The following TMC2 variants were observed in gnomAD, a reference collection of about 807,000 sequenced individuals.
The protein encoded by TMC2 is transmembrane channel like 2.
TMC2 carries 102 observed loss-of-function variants against 105.9 expected under a neutral mutation model. That is an observed-to-expected ratio of 0.96 (90% CI 0.82 to 1.14). The LOEUF (loss-of-function observed/expected upper bound fraction) is 1.14. Ranked by LOEUF, TMC2 falls within the 50% of genes most tolerant of loss-of-function variation. The pLI is 0.00. For synonymous variants in TMC2, 402 were observed against 422.8 expected (o/e 0.95, Z 0.60); for missense variants, 1,093 against 1,134.3 (o/e 0.96, Z 0.52).
chr20:2,597,105 C>A (rs772041901), intron 9 of TMC2, 46 bp from the exon 10 acceptor site: 3 of 1,586,170 alleles, frequency 1.9e-6, no homozygotes, highest in Non-Finnish European at 1.7e-6. Context: ...GGGGGTGACA[C>A]AGCAGAAAGA....
rs572317758 is a variant in TMC2 at position 2,611,081 on chromosome 20, C to T, written c.1593+483C>T. Among the ~76,000 whole-genome samples the T allele has an allele frequency of 1.3e-3, 201 of 152,266 alleles. 2 individuals carry two copies. The highest frequency in any genetic ancestry group is 4.5e-3 in the African/African-American group (188 of 41,544). ...CTGGGAGACAGACTTCATTACAGCA[C>T]GCTGTGGGATGTGCTTCAGTAGTGG... On this transcript the variant is annotated intron_variant, in intron 12 of 19. Transcript: ENST00000358864.
intron 2 of TMC2, among the ~76,000 whole-genome samples, chr20:2,555,655 G>A (rs2085981048): frequency 6.6e-6 from 1 of 152,084 alleles, no homozygotes; most frequent in Admixed American, 6.6e-5. Flanking sequence ...TGATATAGTT[G>A]GGTTAATGTT....
chr20:2,559,974 G>C (rs960764378), intron 3 of TMC2, among the ~76,000 whole-genome samples: 1 of 152,096 alleles, frequency 6.6e-6, no homozygotes, highest in African/African-American at 2.4e-5. Flanking sequence ...TTCAGTTCCC[G>C]TTGCCTAGAT....
chr20:2,536,718 G>T (rs1029821671), intron 1 of TMC2, 63 bp downstream of exon 1: 2 of 1,531,106 alleles, frequency 1.3e-6, no homozygotes, highest in Non-Finnish European at 1.8e-6. Flanking sequence ...AGCAGGGGAT[G>T]GGGGAAGCAC....
intron 7 of TMC2, among the ~76,000 whole-genome samples, chr20:2,591,788 T>C (rs1048146624): frequency 6.6e-6 from 1 of 152,172 alleles, no homozygotes; most frequent in Non-Finnish European, 1.5e-5. Flanking sequence ...AACGCTCTTC[T>C]GTACTTTTTC....
chr20:2,614,853 A>G (rs182474850), intron 14 of TMC2, among the ~76,000 whole-genome samples: 3 of 152,104 alleles, frequency 2.0e-5, no homozygotes, highest in African/African-American at 7.2e-5. Context: ...TCCCTCATTC[A>G]TTTCATCTAG....
chr20:2,572,919 T>G (rs2086113760), intron 5 of TMC2, among the ~76,000 whole-genome samples: 1 of 151,760 alleles, frequency 6.6e-6, no homozygotes, highest in African/African-American at 2.4e-5. Context: ...TACCTTTGGT[T>G]TTTTGTTTGT....
Position 2,619,014 on chromosome 20 carries a change from T to C in TMC2, c.2180+1703T>C, listed in dbSNP as rs77305199. Among the ~76,000 whole-genome samples, 70 of 152,174 alleles carry C rather than the reference T, an allele frequency of 4.6e-4. No homozygotes were observed. The East Asian group carries it at 0.011, about 25-fold the overall frequency. Reference sequence around the variant, plus strand: ...ACCCTGAGGGCATTACTTCCTTAAATTGTGCACTCAGGGCCTCACCCGCCT... The same window carrying C: ...ACCCTGAGGGCATTACTTCCTTAAACTGTGCACTCAGGGCCTCACCCGCCT... On this transcript the variant is annotated intron_variant, in intron 16 of 19. Coordinates refer to ENST00000358864, the MANE Select transcript of TMC2 (RefSeq NM_080751.3).
At chr20:2,546,950 C>T (rs1368733328) in intron 2 of TMC2, among the ~76,000 whole-genome samples, 1 of 152,042 alleles carries the variant, frequency 6.6e-6, no homozygotes, top group Non-Finnish European at 1.5e-5. Context: ...AATGATTAAG[C>T]ATGTTTTAAT....
intron 3 of TMC2, among the ~76,000 whole-genome samples, chr20:2,560,920 C>A (rs577700514): frequency 1.1e-4 from 16 of 152,000 alleles, no homozygotes; most frequent in Admixed American, 2.0e-4. Context: ...GACAACTGAG[C>A]ACATAGTATT....
intron 4 of TMC2, among the ~76,000 whole-genome samples, chr20:2,567,794 T>C (rs767499482): frequency 6.6e-6 from 1 of 152,000 alleles, no homozygotes; most frequent in African/African-American, 2.4e-5. Context: ...AAATAGAAGC[T>C]ATAAAGAGGA....
chr20:2,565,635 C>T (rs742838), intron 4 of TMC2, among the ~76,000 whole-genome samples: 21,170 of 152,140 alleles, frequency 0.14, 1,791 homozygotes, highest in African/African-American at 0.23. Context: ...CAGTTGCAGA[C>T]GGCATCCCCA....
intron 2 of TMC2, among the ~76,000 whole-genome samples, chr20:2,552,101 T>C (rs180841518): frequency 2.6e-5 from 4 of 151,870 alleles, no homozygotes; most frequent in African/African-American, 9.7e-5. Context: ...AAAAAAAAAT[T>C]ATAAAATTAG....
At chr20:2,584,078 A>C (rs563283189) in intron 7 of TMC2, among the ~76,000 whole-genome samples, 159 of 152,330 alleles carry the variant, frequency 1.0e-3, no homozygotes, top group Admixed American at 8.1e-3. Context: ...TTTACATAGC[A>C]AGCATTCAGT....
chr20:2,611,007 G>A (rs2086433849), intron 12 of TMC2, among the ~76,000 whole-genome samples: 1 of 152,204 alleles, frequency 6.6e-6, no homozygotes, highest in Non-Finnish European at 1.5e-5. Flanking sequence ...CCCTGGGGTA[G>A]AGCAGACAGG....
chr20:2,626,991 T>C (rs1167214009), intron 17 of TMC2, among the ~76,000 whole-genome samples: 2 of 152,146 alleles, frequency 1.3e-5, no homozygotes, highest in Non-Finnish European at 2.9e-5. Flanking sequence ...GAGGTAACGA[T>C]TGGTCAGCTG....
intron 12 of TMC2, among the ~76,000 whole-genome samples, chr20:2,611,911 T>A (rs2086443205): frequency 6.6e-6 from 1 of 151,142 alleles, no homozygotes; most frequent in African/African-American, 2.4e-5. Context: ...GATGGATGGA[T>A]GGATGGATGG....
chr20:2,636,104 T>C, intron 18 of TMC2, 100 bp downstream of exon 18: 2 of 1,012,660 alleles, frequency 2.0e-6, no homozygotes, highest in East Asian at 2.4e-5. Context: ...TCTAAATGGC[T>C]TTCTTCTAAA....
chr20:2,590,764 G>A (rs1600116579), intron 7 of TMC2, among the ~76,000 whole-genome samples: 2 of 152,092 alleles, frequency 1.3e-5, no homozygotes, highest in East Asian at 3.9e-4. Context: ...AAACTCCAAT[G>A]ATTTTATGAA....
Sources: gnomAD v4.1 joint callset for allele counts (sites outside exome capture counted in the v4.1 genomes callset) on GRCh38, gnomAD v4.1.1 for gene constraint, MANE v1.5 for transcripts, NCBI Gene and HGNC (gene_info 2026-07-23, HGNC 2026-07-21) for gene names.